Variants in PAOX observed in about 807,000 individuals in gnomAD.
The protein encoded by PAOX is polyamine oxidase.
PAOX carries 38 observed loss-of-function variants against 39.0 expected under a neutral mutation model. The ratio of observed to expected loss-of-function variants is 0.97; its 90% CI spans 0.75 to 1.28. The LOEUF is 1.28. PAOX is among the 50% of genes most tolerant of loss of function. The probability of loss-of-function intolerance (pLI) is 0.00; values close to 1 mark genes in which losing one functional copy is unlikely to be tolerated. For synonymous variants in PAOX, 311 were observed against 314.4 expected, an observed-to-expected ratio of 0.99 and a Z score of 0.11; for missense variants, 667 against 685.7, an observed-to-expected ratio of 0.97 and a Z score of 0.30.
intron 4 of PAOX, among the ~76,000 whole-genome samples, chr10:133,385,927 CCTATT>C (rs1849520012): frequency 2.0e-5 from 3 of 152,182 alleles, no homozygotes; most frequent in South Asian, 4.1e-4. Context: ...TAGTAACAAA[CCTATT>C]CTATGTTAGC....
At chr10:133,382,824 TTTTTG>T (rs1263188205) in intron 3 of PAOX, 3 of 150,082 alleles carry the variant, frequency 2.0e-5, no homozygotes, top group African/African-American at 7.3e-5. Flanking sequence ...AGTTTGCCTG[TTTTTG>T]TTTTTTGTTT....
intron 4 of PAOX, among the ~76,000 whole-genome samples, chr10:133,385,833 T>C (rs1046848227): frequency 6.6e-6 from 1 of 152,112 alleles, no homozygotes; most frequent in Non-Finnish European, 1.5e-5. Flanking sequence ...TCCGCCCGCC[T>C]CGGCCTCCCA....
Position 133,379,487 on chromosome 10 carries a change from G to A in PAOX, c.171G>A (p.Glu57=), listed in dbSNP as rs1849290286. The change falls in exon 1 of 7, where the codon GAG becomes GAA. Residue 57 remains glutamate, a synonymous_variant. Transcript: ENST00000278060. ...GCGCCGGGGGCCGCATCCGCTCGGA[G>A]CGCTGCTTCGGTAACCGCCCCTCCC... is the stretch of plus-strand genomic sequence containing the variant. ...TARAGGRIRS[E]RCFGGVVEVG... The A allele has an allele frequency of 8.2e-7, 1 of 1,225,634 alleles. No homozygotes were observed. Among genetic ancestry groups the A allele is most frequent in the Non-Finnish European group, 1.0e-6 (1 of 984,140 alleles). The allele number at this position is 1,225,634 out of a possible 1,614,324, so 75.9% of individuals were successfully genotyped here.
rs1849290286 is a variant in PAOX at position 133,379,487 on chromosome 10, G to T, written c.171G>T (p.Glu57Asp). The change falls in exon 1 of 7, where the codon GAG becomes GAT. Residue 57 changes from glutamate to aspartate, a missense_variant. Coordinates refer to ENST00000278060, the MANE Select transcript of PAOX (RefSeq NM_152911.4). ...GCGCCGGGGGCCGCATCCGCTCGGA[G>T]CGCTGCTTCGGTAACCGCCCCTCCC... is the stretch of plus-strand genomic sequence containing the variant. ...TARAGGRIRS[E>D]RCFGGVVEVG... 2 of 1,225,634 alleles carry T rather than the reference G, an allele frequency of 1.6e-6. No individual in the cohort carries two copies. Among genetic ancestry groups the T allele is most frequent in the Non-Finnish European group, 2.0e-6 (2 of 984,140 alleles). The allele number at this position is 1,225,634 out of a possible 1,614,324, so 75.9% of individuals were successfully genotyped here.
At chr10:133,388,101 A>G (rs997091258) in intron 4 of PAOX, among the ~76,000 whole-genome samples, 1 of 152,226 alleles carries the variant, frequency 6.6e-6, no homozygotes, top group Non-Finnish European at 1.5e-5. Flanking sequence ...GATCAAGGAC[A>G]TTCTCAAGTG....
At chr10:133,385,810 C>G (rs1849516278) in intron 4 of PAOX, among the ~76,000 whole-genome samples, 1 of 152,084 alleles carries the variant, frequency 6.6e-6, no homozygotes, top group Non-Finnish European at 1.5e-5. Flanking sequence ...GTCTCGATCT[C>G]CTGACCTCGT....
At chr10:133,381,357 G>T in intron 2 of PAOX, 103 bp from the exon 3 acceptor site, 2 of 1,117,762 alleles carry the variant, frequency 1.8e-6, no homozygotes, top group Non-Finnish European at 2.6e-6. Flanking sequence ...AGAGCTCCCC[G>T]CAGCTACCTT....
At position 133,384,443 on chromosome 10, in the gene PAOX, T is replaced by G. The variant is rs905030935; in HGVS notation, c.1121+231T>G. 6.6e-6 allele frequency among the ~76,000 whole-genome samples: 1 copy of G among 152,156 alleles called. No homozygotes were observed. The highest frequency in any genetic ancestry group is 6.5e-5 in the Admixed American group (1 of 15,280). On this transcript the variant is annotated intron_variant, in intron 4 of 6. Coordinates refer to ENST00000278060, the MANE Select transcript of PAOX (RefSeq NM_152911.4). The surrounding 1 kb of genome is among the most constrained non-coding windows in gnomAD (Gnocchi z 4.3). ...TCAGCGTCCCTCAGGGCCCAGAATG[T>G]GTTTGTAGACTTGCAGGCAGGCTCA...
chr10:133,381,941 A>T (rs1849397565), intron 3 of PAOX, among the ~76,000 whole-genome samples: 1 of 152,048 alleles, frequency 6.6e-6, no homozygotes, highest in African/African-American at 2.4e-5. Context: ...ACCACACCGC[A>T]CTTTGCTGCA....
chr10:133,385,830 G>A (rs564394054), intron 4 of PAOX, among the ~76,000 whole-genome samples: 15 of 152,096 alleles, frequency 9.9e-5, no homozygotes, highest in East Asian at 1.9e-4. Context: ...TGATCCGCCC[G>A]CCTCGGCCTC....
At position 133,381,634 on chromosome 10, in the gene PAOX, C is replaced by T; in HGVS notation, c.843C>T (p.His281=). 1.2e-6 allele frequency: 2 copies of T among 1,613,264 alleles called. No individual in the cohort carries two copies. The highest frequency in any genetic ancestry group is 4.5e-5 in the East Asian group (2 of 44,868). Residue 281 remains histidine, a synonymous_variant, in exon 3 of 7, where the codon CAC becomes CAT. Coordinates refer to ENST00000278060, the MANE Select transcript of PAOX (RefSeq NM_152911.4). ...AGGATGGAGACCGGTTCCCGGCGCA[C>T]CATGTCATCGTCACCGTGCCCTTAG... ...ECEDGDRFPA[H]HVIVTVPLGF...
chr10:133,389,165 T>C, intron 5 of PAOX, 97 bp downstream of exon 5: 2 of 1,000,724 alleles, frequency 2.0e-6, no homozygotes, highest in South Asian at 2.6e-5. Flanking sequence ...AAAACTAAAT[T>C]TGGCTGACTC....
At chr10:133,389,891 T>C (rs2133478640) in intron 6 of PAOX, 144 bp downstream of exon 6, 1 of 944,426 alleles carries the variant, frequency 1.1e-6, no homozygotes, top group Non-Finnish European at 1.5e-6. Context: ...CTAAGAATAA[T>C]TTTTAAATGT....
intron 6 of PAOX, among the ~76,000 whole-genome samples, chr10:133,389,949 T>C (rs1209090528): frequency 6.6e-6 from 1 of 152,232 alleles, no homozygotes; most frequent in Non-Finnish European, 1.5e-5. Context: ...AGTCAGAGAA[T>C]TCTGCAGTGC....
rs763670418 is a variant in PAOX, at chr10:133,389,572, A to G, written c.1235-18A>G. ...GGGTGAGAGTTCTCGGTTAACATGC[A>G]GTGTCTCTGTGGCTCAGGAAACCCA... On this transcript the variant is annotated intron_variant, in intron 5 of 6. Coordinates refer to ENST00000278060, the MANE Select transcript of PAOX (RefSeq NM_152911.4). 1.2e-5 allele frequency: 20 copies of G among 1,613,834 alleles called. 1 individual carries two copies. In the South Asian group the frequency reaches 1.9e-4, roughly 15 times the overall value.
In PAOX at chr10:133,391,365, G is replaced by A. The variant is rs576468643; in HGVS notation, c.1446G>A (p.Thr482=). The change falls in exon 7 of 7, where the codon ACG becomes ACA. Residue 482 remains threonine, a synonymous_variant. Transcript: ENST00000278060. ...EATHRTFYST[T]HGALLSGWRE... Reference sequence around the variant, plus strand: ...CACATCGCACGTTTTACTCCACGACGCACGGGGCTCTGCTGTCGGGATGGA... The same window carrying A: ...CACATCGCACGTTTTACTCCACGACACACGGGGCTCTGCTGTCGGGATGGA... The A allele has an allele frequency of 1.9e-5, 31 of 1,613,500 alleles. No individual in the cohort carries two copies. The highest frequency in any genetic ancestry group is 9.3e-5 in the African/African-American group (7 of 75,032).
intron 1 of PAOX, chr10:133,379,796 A>C: frequency 1.5e-6 from 1 of 658,984 alleles, no homozygotes; most frequent in Middle Eastern, 4.3e-4. Flanking sequence ...TCTGGTCCAC[A>C]CCGCCCGACA....
In PAOX at chr10:133,389,731, A is replaced by ACGGCGC; in HGVS notation, c.1384_1389dup (p.Gly462_Ala463dup). On this transcript the variant is annotated inframe_insertion, in exon 6 of 7. Transcript: ENST00000278060. The stretch of plus-strand genomic sequence containing the variant: ...CTGCTGGCTCAGCCCCTCCCTGCAG[A>ACGGCGC]CGGCGCCGGCGCCCAGGTATGTGGC... 2 of 1,554,114 alleles carry ACGGCGC rather than the reference A, an allele frequency of 1.3e-6. No homozygotes were observed. Among genetic ancestry groups the ACGGCGC allele is most frequent in the Non-Finnish European group, 8.7e-7 (1 of 1,148,308 alleles).
intron 4 of PAOX, among the ~76,000 whole-genome samples, chr10:133,387,567 A>G (rs1419953024): frequency 6.6e-6 from 1 of 152,198 alleles, no homozygotes; most frequent in Non-Finnish European, 1.5e-5. Context: ...ATACCACACC[A>G]TGATTTGTCT....
Sources: allele counts gnomAD v4.1 joint callset (sites outside exome capture counted in the v4.1 genomes callset), GRCh38; gene constraint gnomAD v4.1.1; non-coding constraint Gnocchi (gnomAD v3.1); transcripts MANE v1.5; gene names NCBI Gene and HGNC (gene_info 2026-07-23, HGNC 2026-07-21).